AOPEP: variants seen among roughly 807,000 people sequenced by gnomAD.
AOPEP encodes aminopeptidase O.
In AOPEP, 77 loss-of-function variants were observed where a neutral mutation model predicts 98.1. That is an observed-to-expected ratio of 0.78 (90% CI 0.65 to 0.95). AOPEP has a LOEUF of 0.95. AOPEP is among the 40% of genes least tolerant of loss of function. The probability of loss-of-function intolerance (pLI) is 0.00; values close to 1 mark genes in which losing one functional copy is unlikely to be tolerated. For synonymous variants in AOPEP, 346 were observed against 365.3 expected, an observed-to-expected ratio of 0.95 and a Z score of 0.60; for missense variants, 1,024 against 1,024.7, an observed-to-expected ratio of 1.00 and a Z score of 0.01.
intron 1 of AOPEP, among the ~76,000 whole-genome samples, chr9:94,743,291 G>A (rs992394796): frequency 6.6e-6 from 1 of 152,030 alleles, no homozygotes; most frequent in African/African-American, 2.4e-5. Flanking sequence ...ATGATACTGT[G>A]TCCCAGGAAT....
intron 7 of AOPEP, among the ~76,000 whole-genome samples, chr9:94,931,358 T>C (rs2055270801): frequency 6.6e-6 from 1 of 152,186 alleles, no homozygotes; most frequent in Non-Finnish European, 1.5e-5. Flanking sequence ...TAACCATGAA[T>C]TGACTGCATT....
intron 7 of AOPEP, among the ~76,000 whole-genome samples, chr9:94,936,484 T>TC (rs1260650254): frequency 6.6e-6 from 1 of 152,196 alleles, no homozygotes; most frequent in African/African-American, 2.4e-5. Context: ...TTCTGAGCCC[T>TC]CACTCCTTGG....
intron 4 of AOPEP, among the ~76,000 whole-genome samples, chr9:94,794,334 G>A (rs1009294141): frequency 6.6e-6 from 1 of 152,190 alleles, no homozygotes; most frequent in Non-Finnish European, 1.5e-5. Context: ...TTGACAGACA[G>A]TCACTAAGTC....
At chr9:95,095,024 G>A in the AOPEP span, among the ~76,000 whole-genome samples, 1 of 152,256 alleles carries the variant, frequency 6.6e-6, no homozygotes, top group African/African-American at 2.4e-5. Flanking sequence ...GGATGCAGCT[G>A]TCTGCCTCTT....
Position 95,059,363 on chromosome 9 carries a change from T to G in AOPEP, c.2116-1331T>G, listed in dbSNP as rs190859251. ...TGCATTGGTGTCTTGTCTCCTTTCTTTCTGCCTCTGTCTGTAGGCAAGTGG... is the reference window on the plus strand; with the variant it reads ...TGCATTGGTGTCTTGTCTCCTTTCTGTCTGCCTCTGTCTGTAGGCAAGTGG... On this transcript the variant is annotated intron_variant, in intron 13 of 16. Coordinates refer to ENST00000375315, the MANE Select transcript of AOPEP (RefSeq NM_001193329.3). Among the ~76,000 whole-genome samples, 9 of 152,300 alleles carry G rather than the reference T, an allele frequency of 5.9e-5. No individual in the cohort carries two copies. The East Asian group carries it at 1.7e-3, about 29-fold the overall frequency.
chr9:94,899,179 C>CTTTT (rs1164742981), intron 5 of AOPEP, among the ~76,000 whole-genome samples: 2,074 of 59,688 alleles, frequency 0.035, 108 homozygotes, highest in East Asian at 0.041. Flanking sequence ...TCTTCATTTG[C>CTTTT]TTTTTTTTTT....
At chr9:95,088,567 C>T (rs539911007), downstream of AOPEP, among the ~76,000 whole-genome samples, 24 of 152,182 alleles carry the variant, frequency 1.6e-4, no homozygotes, top group African/African-American at 5.3e-4. Context: ...GAGGCAGAGC[C>T]AGGAAGGACC....
intron 5 of AOPEP, among the ~76,000 whole-genome samples, chr9:94,858,870 GA>G (rs1008878067): frequency 5.5e-4 from 84 of 152,050 alleles, no homozygotes; most frequent in African/African-American, 1.9e-3. Context: ...CCAACATGGT[GA>G]AACCCTGTCT....
intron 5 of AOPEP, among the ~76,000 whole-genome samples, chr9:94,910,240 G>A (rs1247298325): frequency 6.6e-6 from 1 of 152,138 alleles, no homozygotes; most frequent in Non-Finnish European, 1.5e-5. Context: ...ATTGTGAACC[G>A]ACTAGGCCAT....
At chr9:95,095,784 C>G in the AOPEP span, among the ~76,000 whole-genome samples, 10 of 152,162 alleles carry the variant, frequency 6.6e-5, no homozygotes, top group Non-Finnish European at 1.0e-4. Flanking sequence ...CTCTCAGCTC[C>G]CCTTCCTCCC....
At chr9:94,840,628 G>C (rs778798719) in intron 5 of AOPEP, among the ~76,000 whole-genome samples, 2 of 152,300 alleles carry the variant, frequency 1.3e-5, no homozygotes, top group South Asian at 4.1e-4. Context: ...CCTGGGCCTA[G>C]AGATTTCCTT....
chr9:94,912,046 G>A (rs1392524781), intron 5 of AOPEP, among the ~76,000 whole-genome samples: 1 of 152,110 alleles, frequency 6.6e-6, no homozygotes, highest in African/African-American at 2.4e-5. Flanking sequence ...TTTCAGCCCA[G>A]TGAGACCTGT....
At chr9:95,128,038 C>T in the AOPEP span, among the ~76,000 whole-genome samples, 1 of 152,174 alleles carries the variant, frequency 6.6e-6, no homozygotes, top group African/African-American at 2.4e-5. Context: ...AATTCATTAT[C>T]TATGCAAGAA....
At position 94,831,286 on chromosome 9, in the gene AOPEP, C is replaced by G. The variant is rs56737677; in HGVS notation, c.1364+30284C>G. Among the ~76,000 whole-genome samples the G allele has an allele frequency of 6.6e-3, 1,008 of 152,248 alleles. 8 individuals carry two copies. Among genetic ancestry groups the G allele is most frequent in the African/African-American group, 0.023 (970 of 41,542 alleles). On this transcript the variant is annotated intron_variant, in intron 5 of 16. Transcript: ENST00000375315. ...TTTCTGCATATGGGTAGCCAGTTCT[C>G]CCAGCACCATTTATTAAATAGGGAA... is the stretch of plus-strand genomic sequence containing the variant.
At chr9:95,072,094 A>G (rs929643432) in intron 14 of AOPEP, among the ~76,000 whole-genome samples, 1 of 152,178 alleles carries the variant, frequency 6.6e-6, no homozygotes, top group African/African-American at 2.4e-5. Flanking sequence ...ACCACTGTGT[A>G]TGTTGTGCTC....
intron 13 of AOPEP, among the ~76,000 whole-genome samples, chr9:95,029,852 G>A (rs948326290): frequency 1.3e-5 from 2 of 152,102 alleles, no homozygotes; most frequent in East Asian, 3.9e-4. Flanking sequence ...CTGGGAGATG[G>A]GTGGCATTAC....
rs147903509 is a variant in AOPEP at position 95,084,146 on chromosome 9, G to A, written c.*4+1427G>A. On this transcript the variant is annotated intron_variant, in intron 16 of 16. Transcript: ENST00000375315. ...CTTTATCAAATCTGAAGCATTTTTCGTGTTATAGCTTCTCTATAATTTTTC... is the reference window on the plus strand; with the variant it reads ...CTTTATCAAATCTGAAGCATTTTTCATGTTATAGCTTCTCTATAATTTTTC... Among the ~76,000 whole-genome samples, 528 of 151,996 alleles carry A rather than the reference G, an allele frequency of 3.5e-3. 2 individuals carry two copies. Among genetic ancestry groups the A allele is most frequent in the African/African-American group, 0.012 (504 of 41,436 alleles).
chr9:94,937,321 A>G (rs955484832), intron 7 of AOPEP, among the ~76,000 whole-genome samples: 5 of 152,346 alleles, frequency 3.3e-5, no homozygotes, highest in East Asian at 1.9e-4. Flanking sequence ...TGTGACAGCC[A>G]TCTTCTCGCT....
At chr9:94,960,984 G>A (rs7864171) in intron 9 of AOPEP, among the ~76,000 whole-genome samples, 57,549 of 149,744 alleles carry the variant, frequency 0.38, 11,376 homozygotes, top group Non-Finnish European at 0.43. Flanking sequence ...ACTGCACTCC[G>A]GCCTGGGCGA....
Sources: gnomAD v4.1 joint callset for allele counts (sites outside exome capture counted in the v4.1 genomes callset) on GRCh38, gnomAD v4.1.1 for gene constraint, MANE v1.5 for transcripts, NCBI Gene and HGNC (gene_info 2026-07-23, HGNC 2026-07-21) for gene names.